WASF2: variants seen among roughly 807,000 people sequenced by gnomAD.
The protein encoded by WASF2 is WASP family member 2.
Under a neutral mutation model 45.0 loss-of-function variants are expected in WASF2, and 14 were observed. The observed-to-expected ratio is 0.31, with a 90% confidence interval of 0.21 to 0.49. The LOEUF (loss-of-function observed/expected upper bound fraction) is 0.49. WASF2 is among the 20% of genes least tolerant of loss of function. WASF2 has a pLI of 0.99. For missense variants in WASF2, 439 were observed against 636.1 expected, an observed-to-expected ratio of 0.69 and a Z score of 3.33; for synonymous variants, 200 against 236.3, an observed-to-expected ratio of 0.85 and a Z score of 1.41.
chr1:27,445,511 A>G (rs952466095), intron 1 of WASF2, among the ~76,000 whole-genome samples: 1 of 152,226 alleles, frequency 6.6e-6, no homozygotes, highest in African/African-American at 2.4e-5. Context: ...AAAAGACTGC[A>G]TGCTAACACA....
rs535805067 is a variant in WASF2, at chr1:27,490,073, C to G, written c.-131G>C. ...GAGTGTGCTCCCGCGGACCGCCTCGCGGGCTGCCAAACGGCCGGACCCCCT... is the reference window on the plus strand; with the variant it reads ...GAGTGTGCTCCCGCGGACCGCCTCGGGGGCTGCCAAACGGCCGGACCCCCT... On this transcript the variant is annotated 5_prime_UTR_variant, in exon 1 of 9. Transcript: ENST00000618852. The G allele has an allele frequency of 6.6e-6, 1 of 152,208 alleles. No individual in the cohort carries two copies. The highest frequency in any genetic ancestry group is 1.5e-5 in the Non-Finnish European group (1 of 68,058). 9.4% of individuals were successfully genotyped at this position (152,208 alleles called of 1,614,324 possible).
intron 1 of WASF2, among the ~76,000 whole-genome samples, chr1:27,447,421 T>TACC (rs2017325229): frequency 6.6e-6 from 1 of 152,238 alleles, no homozygotes; most frequent in Non-Finnish European, 1.5e-5. Flanking sequence ...GCCAAAGGTG[T>TACC]ACCTCTGCCT....
chr1:27,475,652 G>T (rs1213388404), intron 1 of WASF2, among the ~76,000 whole-genome samples: 1 of 152,114 alleles, frequency 6.6e-6, no homozygotes, highest in Non-Finnish European at 1.5e-5. Context: ...GTTTGAGAGA[G>T]TGTCTGCCTC....
At chr1:27,464,565 G>C (rs1399550712) in intron 1 of WASF2, among the ~76,000 whole-genome samples, 10 of 151,990 alleles carry the variant, frequency 6.6e-5, no homozygotes, top group Admixed American at 6.6e-4. Context: ...GACACTTTGG[G>C]CCACAGAGTC....
intron 1 of WASF2, among the ~76,000 whole-genome samples, chr1:27,462,355 C>A (rs2017557444): frequency 6.6e-6 from 1 of 152,108 alleles, no homozygotes; most frequent in Non-Finnish European, 1.5e-5. Flanking sequence ...GGGTTATTTT[C>A]TAAAAACAAA....
chr1:27,418,297 G>C lies in WASF2; in HGVS notation c.391C>G (p.Pro131Ala), dbSNP rs746263835. Reference protein sequence around the residue: ...LETYNTCDTPPPLNNLTPYRD... With the variant: ...LETYNTCDTPAPLNNLTPYRD... The stretch of plus-strand genomic sequence containing the variant: ...TAAGGGGTAAGATTGTTGAGAGGGG[G>C]AGGAGTATCACAGGTATTGTATGTT... The change falls in exon 4 of 9, where the codon CCC becomes GCC. Residue 131 changes from proline to alanine, a missense_variant. Physicochemically the swap from Pro to Ala is conservative, Grantham distance 27 (BLOSUM62 -1). This residue lies in a region of WASF2 where 98 missense variants were observed against 120.7 expected (regional missense o/e 0.81). Coordinates refer to ENST00000618852, the MANE Select transcript of WASF2 (RefSeq NM_006990.5). The C allele has an allele frequency of 2.5e-6, 4 of 1,614,072 alleles. No individual in the cohort carries two copies.
intron 1 of WASF2, among the ~76,000 whole-genome samples, chr1:27,466,758 T>C (rs2017616156): frequency 6.6e-6 from 1 of 151,870 alleles, no homozygotes; most frequent in African/African-American, 2.4e-5. Flanking sequence ...TCCTAGCTAC[T>C]TGGGAGGCTG....
At chr1:27,472,723 G>A (rs944296185) in intron 1 of WASF2, among the ~76,000 whole-genome samples, 3 of 149,662 alleles carry the variant, frequency 2.0e-5, no homozygotes, top group South Asian at 4.2e-4. Flanking sequence ...AGCACCTTGG[G>A]AGGCCAAGGC....
At chr1:27,446,609 C>T (rs1211208771) in intron 1 of WASF2, among the ~76,000 whole-genome samples, 2 of 152,026 alleles carry the variant, frequency 1.3e-5, no homozygotes, top group East Asian at 3.9e-4. Flanking sequence ...GGCAAAACCC[C>T]ATCTCTACAA....
At chr1:27,475,037 G>A (rs968307774) in intron 1 of WASF2, among the ~76,000 whole-genome samples, 3 of 152,166 alleles carry the variant, frequency 2.0e-5, no homozygotes, top group Non-Finnish European at 4.4e-5. Context: ...CACTTTGGGA[G>A]GCTGAGGCAG....
intron 2 of WASF2, among the ~76,000 whole-genome samples, chr1:27,425,121 C>G (rs1010563874): frequency 4.6e-5 from 7 of 152,132 alleles, no homozygotes; most frequent in Non-Finnish European, 1.0e-4. Context: ...GAGACAAGGT[C>G]TCGCCCTGTT....
intron 2 of WASF2, among the ~76,000 whole-genome samples, chr1:27,425,775 C>G (rs999261439): frequency 7.3e-6 from 1 of 136,354 alleles, no homozygotes; most frequent in Admixed American, 8.7e-5. Context: ...TGAGGCAGAG[C>G]TTGCAGTGAG....
At position 27,428,810 on chromosome 1, in the gene WASF2, G is replaced by A. The variant is rs1438598459; in HGVS notation, c.81C>T (p.Cys27=). Residue 27 remains cysteine (C), a synonymous_variant, in exon 2 of 9, where the codon TGC becomes TGT. Transcript: ENST00000618852. ...TLPSVRSELE[C]VTNITLANVI... is the part of the protein sequence containing the mutation. ...CATTTGCCAGGGTGATGTTGGTCAC[G>A]CATTCCAGCTCGCTTCTAACGCTAG... The A allele has an allele frequency of 8.1e-6, 13 of 1,614,030 alleles. No individual in the cohort carries two copies. Among genetic ancestry groups the A allele is most frequent in the Middle Eastern group, 1.6e-4 (1 of 6,084 alleles).
intron 2 of WASF2, among the ~76,000 whole-genome samples, chr1:27,419,959 C>T (rs528676749): frequency 5.9e-5 from 9 of 152,066 alleles, no homozygotes; most frequent in Non-Finnish European, 1.2e-4. Context: ...GGCTGCAGTA[C>T]AGTGGCGTGA....
chr1:27,410,034 G>A lies in WASF2; in HGVS notation c.997C>T (p.Pro333Ser). The A allele has an allele frequency of 1.2e-6, 2 of 1,613,650 alleles. No homozygotes were observed. The highest frequency in any genetic ancestry group is 1.7e-6 in the Non-Finnish European group (2 of 1,179,814). The change falls in exon 8 of 9, where the codon CCA (proline) becomes TCA (serine). Residue 333 changes from proline (P) to serine (S), a missense_variant. Coordinates refer to ENST00000618852, the MANE Select transcript of WASF2 (RefSeq NM_006990.5). This position sits in a 1 kb window ranked among gnomAD's most constrained non-coding sequence, Gnocchi z 4.2. Reference protein sequence around the residue: ...PPPPPPMIGIPPPPPPVGFGS... With the variant: ...PPPPPPMIGISPPPPPVGFGS... Reference sequence around the variant, plus strand: ...AATCCTACAGGCGGTGGTGGAGGTGGGATGCCTATCATTGGAGGCGGAGGT... The same window carrying A: ...AATCCTACAGGCGGTGGTGGAGGTGAGATGCCTATCATTGGAGGCGGAGGT...
chr1:27,487,724 T>TATATTATATAATGTATATA (rs2017964856), intron 1 of WASF2, among the ~76,000 whole-genome samples: 1 of 123,380 alleles, frequency 8.1e-6, no homozygotes, highest in African/African-American at 3.1e-5. Flanking sequence ...TGTATATCAT[T>TATATTATATAATGTATATA]ATATTATATA....
At chr1:27,482,612 G>T (rs2017866738) in intron 1 of WASF2, among the ~76,000 whole-genome samples, 1 of 152,114 alleles carries the variant, frequency 6.6e-6, no homozygotes, top group East Asian at 1.9e-4. Context: ...AATTTACATA[G>T]ATCTGCATAA....
chr1:27,414,294 T>C lies in WASF2; in HGVS notation c.668+539A>G, dbSNP rs2016800607. Among the ~76,000 whole-genome samples, 1 of 152,222 alleles carries C rather than the reference T, an allele frequency of 6.6e-6. No individual in the cohort carries two copies. The highest frequency in any genetic ancestry group is 1.5e-5 in the Non-Finnish European group (1 of 68,030). On this transcript the variant is annotated intron_variant, in intron 6 of 8. Transcript: ENST00000618852. The surrounding 1 kb of genome is among the most constrained non-coding windows in gnomAD (Gnocchi z 4.1). ...CACCTCTTATTTCTCCACAGAGATA[T>C]ATAGCCTCAATACTGGCCAAGCAAC...
chr1:27,409,428 C>CAAAAA (rs60940665), intron 8 of WASF2, among the ~76,000 whole-genome samples: 2,236 of 41,580 alleles, frequency 0.054, 3 homozygotes, highest in Non-Finnish European at 0.1. Flanking sequence ...CTGTCCCCCA[C>CAAAAA]AAAAAAAAAA....
Sources: gnomAD v4.1 joint callset for allele counts (sites outside exome capture counted in the v4.1 genomes callset) on GRCh38, gnomAD v4.1.1 for gene constraint, gnomAD v4.1.1 regional missense constraint, Gnocchi (gnomAD v3.1) non-coding constraint, MANE v1.5 for transcripts, NCBI Gene and HGNC (gene_info 2026-07-23, HGNC 2026-07-21) for gene names.